The following AASS variants were observed in gnomAD, a reference collection of about 807,000 sequenced individuals.
AASS encodes the protein aminoadipate-semialdehyde synthase, also known as alpha-aminoadipic semialdehyde synthase, mitochondrial.
In AASS, 86 loss-of-function variants were observed where a neutral mutation model predicts 105.4. That is an observed-to-expected ratio of 0.82 (90% CI 0.69 to 0.98). The LOEUF is 0.98. Among genes scored for constraint, AASS ranks in the 50% least tolerant of loss-of-function variants. The pLI, the probability that AASS is intolerant of heterozygous loss-of-function variation, is 0.00. For missense variants in AASS, 1,048 were observed against 1,143.2 expected (o/e 0.92, Z 1.20); for synonymous variants, 381 against 394.8 (o/e 0.96, Z 0.41).
chr7:122,078,128 C>A, intron 22 of AASS, 114 bp from the exon 23 acceptor site: 1 of 984,486 alleles, frequency 1.0e-6, no homozygotes, highest in Non-Finnish European at 1.6e-6. Flanking sequence ...TATATATGAT[C>A]ACTAGACAAT....
At chr7:122,098,312 T>A in intron 15 of AASS, 138 bp downstream of exon 15, 1 of 833,956 alleles carries the variant, frequency 1.2e-6, no homozygotes, top group Non-Finnish European at 1.9e-6. Context: ...ACTTATGATT[T>A]GTGCACCTTC....
chr7:122,075,313 T>C lies in AASS; in HGVS notation c.*1176A>G, dbSNP rs1045939918. On this transcript the variant is annotated 3_prime_UTR_variant, in exon 24 of 24. Transcript: ENST00000417368. ...TTTATTTATTAATAAATCATGCCTT[T>C]GGATTTTCTATAGTTTTCCCTTGGA... Among the ~76,000 whole-genome samples the C allele has an allele frequency of 1.3e-5, 2 of 152,254 alleles. No individual in the cohort carries two copies. The highest frequency in any genetic ancestry group is 2.9e-5 in the Non-Finnish European group (2 of 68,048).
chr7:122,093,293 C>T, intron 15 of AASS, 135 bp from the exon 16 acceptor site: 1 of 737,508 alleles, frequency 1.4e-6, no homozygotes, highest in South Asian at 1.5e-5. Flanking sequence ...AACACTTATA[C>T]ACTGTTGGTG....
intron 4 of AASS, 23 bp from the exon 5 acceptor site, chr7:122,118,653 G>C (rs758223189): frequency 1.1e-5 from 18 of 1,609,992 alleles, no homozygotes; most frequent in African/African-American, 2.7e-5. Flanking sequence ...CAGACCAATA[G>C]AAAGACTATT....
At position 122,098,871 on chromosome 7, in the gene AASS, T is replaced by TC; in HGVS notation, c.1407-6_1407-5insG. Reference sequence around the variant, plus strand: ...GAAAGTGACTGAGCACGTTCCCTATTTAAAAAAAAAAAAAAAAAAAAAAAA... The same window carrying TC: ...GAAAGTGACTGAGCACGTTCCCTATTCTAAAAAAAAAAAAAAAAAAAAAAAA... On this transcript the variant is annotated splice_region_variant and splice_polypyrimidine_tract_variant and intron_variant, in intron 13 of 23. Transcript: ENST00000417368. The TC allele has an allele frequency of 7.3e-7, 1 of 1,371,636 alleles. No individual in the cohort carries two copies. The highest frequency in any genetic ancestry group is 9.4e-7 in the Non-Finnish European group (1 of 1,058,576). 85.0% of individuals were successfully genotyped at this position (1,371,636 alleles called of 1,614,324 possible).
At chr7:122,126,570 T>C in intron 3 of AASS, 111 bp from the exon 4 acceptor site, 1 of 902,344 alleles carries the variant, frequency 1.1e-6, no homozygotes, top group Non-Finnish European at 1.8e-6. Flanking sequence ...AAATACACCT[T>C]AACTTGCTAA....
At chr7:122,125,737 C>T (rs767225763) in intron 4 of AASS, among the ~76,000 whole-genome samples, 3 of 152,136 alleles carry the variant, frequency 2.0e-5, no homozygotes, top group Non-Finnish European at 4.4e-5. Context: ...ATAAGCCTGC[C>T]GGGGCAAATA....
At chr7:122,081,897 T>G in intron 19 of AASS, 1 of 330,076 alleles carries the variant, frequency 3.0e-6, no homozygotes, top group Non-Finnish European at 5.6e-6. Flanking sequence ...TTGCAAAACT[T>G]AGGTCTTTAC....
rs940170277 is a variant in AASS, at chr7:122,097,462, T to A, written c.1655+988A>T. Among the ~76,000 whole-genome samples the A allele has an allele frequency of 2.6e-5, 4 of 152,190 alleles. No individual in the cohort carries two copies. In the South Asian group the frequency reaches 6.2e-4, roughly 24 times the overall value. On this transcript the variant is annotated intron_variant, in intron 15 of 23. Coordinates refer to ENST00000417368, the MANE Select transcript of AASS (RefSeq NM_005763.4). ...ATGGGGGTATGGTGTACAGATTATT[T>A]CATTATCTAGGTAATAAGCATAGTA...
chr7:122,088,719 A>G (rs1793751019), intron 18 of AASS, among the ~76,000 whole-genome samples: 1 of 152,062 alleles, frequency 6.6e-6, no homozygotes, highest in East Asian at 1.9e-4. Context: ...CTTATCTTAA[A>G]GCGATGTTTG....
chr7:122,116,819 T>C (rs188497839), intron 7 of AASS, 59 bp from the exon 8 acceptor site: 2 of 1,611,944 alleles, frequency 1.2e-6, no homozygotes, highest in East Asian at 4.5e-5. Context: ...TTTATGGTGA[T>C]AAAATATTAT....
intron 4 of AASS, 91 bp downstream of exon 4, chr7:122,126,284 C>G: frequency 9.1e-7 from 1 of 1,103,170 alleles, no homozygotes; most frequent in Non-Finnish European, 1.4e-6. Flanking sequence ...GAAATAAACA[C>G]TCCTATCCCC....
chr7:122,113,232 A>G lies in AASS; in HGVS notation c.1167-3T>C. The G allele has an allele frequency of 1.2e-6, 2 of 1,612,992 alleles. No homozygotes were observed. Among genetic ancestry groups the G allele is most frequent in the South Asian group, 2.2e-5 (2 of 91,070 alleles). On this transcript the variant is annotated splice_polypyrimidine_tract_variant and splice_region_variant and intron_variant, in intron 10 of 23. Transcript: ENST00000417368. ...TCAGGATCCCCGAGCCTTCAACACT[A>G]AAAGCAGCAATGTGGTTTATTCAGA... is the stretch of plus-strand genomic sequence containing the variant.
Position 122,081,568 on chromosome 7 carries a change from C to G in AASS, c.2212G>C (p.Val738Leu), listed in dbSNP as rs777793974. 5.0e-6 allele frequency: 8 copies of G among 1,613,654 alleles called. No homozygotes were observed. Among genetic ancestry groups the G allele is most frequent in the Non-Finnish European group, 6.8e-6 (8 of 1,179,640 alleles). ...KGYMKALNGF[V>L]KLGLINREAL... ...TCTCTGTTTATAAGACCTAATTTTA[C>G]AAATCCATTCAAAGCTTTCATATAT... The change falls in exon 20 of 24, where the codon GTA (valine) becomes CTA (leucine). Residue 738 changes from valine to leucine, a missense_variant. Physicochemically the swap from Val to Leu is conservative, Grantham distance 32 (BLOSUM62 1). Coordinates refer to ENST00000417368, the MANE Select transcript of AASS (RefSeq NM_005763.4).
chr7:122,081,455 T>A, intron 20 of AASS, 45 bp downstream of exon 20: 1 of 1,397,604 alleles, frequency 7.2e-7, no homozygotes, highest in Non-Finnish European at 1.0e-6. Flanking sequence ...TTTCAGAAGG[T>A]ATTTCTGAAA....
At chr7:122,079,242 T>C (rs1793189683) in intron 21 of AASS, 6 of 1,364,030 alleles carry the variant, frequency 4.4e-6, no homozygotes, top group Non-Finnish European at 5.7e-6. Context: ...AGGTTAGTTC[T>C]CCAACATTAG....
chr7:122,113,342 A>G (rs1795019983), intron 10 of AASS, 113 bp from the exon 11 acceptor site: 1 of 1,111,356 alleles, frequency 9.0e-7, no homozygotes, highest in Non-Finnish European at 1.3e-6. Flanking sequence ...AATTTTGTAT[A>G]AAAGTATACG....
At chr7:122,115,666 G>A (rs989913776) in intron 8 of AASS, among the ~76,000 whole-genome samples, 1 of 152,114 alleles carries the variant, frequency 6.6e-6, no homozygotes, top group Admixed American at 6.5e-5. Context: ...ATGCTGTGAA[G>A]ATTAAATCGG....
intron 4 of AASS, among the ~76,000 whole-genome samples, chr7:122,122,468 C>T (rs186363065): frequency 1.5e-4 from 23 of 152,222 alleles, no homozygotes; most frequent in African/African-American, 5.5e-4. Context: ...AGAACAAAGC[C>T]CAATGCTCCT....
Sources: allele counts gnomAD v4.1 joint callset (sites outside exome capture counted in the v4.1 genomes callset), GRCh38; gene constraint gnomAD v4.1.1; transcripts MANE v1.5; gene names NCBI Gene and HGNC (gene_info 2026-07-23, HGNC 2026-07-21).